The following GFRA2 variants were observed in gnomAD, a reference collection of about 807,000 sequenced individuals.
The protein encoded by GFRA2 is GDNF family receptor alpha-2.
GFRA2 carries 17 observed loss-of-function variants against 48.3 expected under a neutral mutation model. The observed-to-expected ratio is 0.35, with a 90% confidence interval of 0.24 to 0.53. GFRA2 has a LOEUF of 0.53. GFRA2 is among the 20% of genes least tolerant of loss of function. GFRA2 has a pLI of 0.93. For missense variants in GFRA2, 660 were observed against 637.3 expected, an observed-to-expected ratio of 1.04 and a Z score of -0.38; for synonymous variants, 305 against 257.2, an observed-to-expected ratio of 1.19 and a Z score of -1.78.
chr8:21,761,454 A>G (rs572088700), intron 3 of GFRA2, among the ~76,000 whole-genome samples: 1 of 152,298 alleles, frequency 6.6e-6, no homozygotes, highest in South Asian at 2.1e-4. Context: ...AAGACGGAGG[A>G]CCTGGCTGGG....
intron 1 of GFRA2, among the ~76,000 whole-genome samples, chr8:21,787,260 C>T (rs1376947580): frequency 1.6e-5 from 1 of 61,324 alleles, no homozygotes; most frequent in East Asian, 4.5e-4. Context: ...GTCTTGGAGG[C>T]GGCGGGGGGG....
chr8:21,792,841 G>C (rs74870587), upstream of GFRA2, among the ~76,000 whole-genome samples: 4,785 of 152,328 alleles, frequency 0.031, 131 homozygotes, highest in African/African-American at 0.075. Context: ...GAGGCGGGCA[G>C]ATCACCTGAG....
intron 3 of GFRA2, among the ~76,000 whole-genome samples, chr8:21,752,519 A>G (rs572295393): frequency 6.6e-6 from 1 of 152,030 alleles, no homozygotes; most frequent in South Asian, 2.1e-4. Context: ...CCCAGGGCTC[A>G]GTCTCCTTTT....
intron 4 of GFRA2, among the ~76,000 whole-genome samples, chr8:21,743,546 G>A (rs1439113592): frequency 6.6e-6 from 1 of 152,202 alleles, no homozygotes; most frequent in Non-Finnish European, 1.5e-5. Flanking sequence ...GGTTCTAAGT[G>A]CCGCAAGGAC....
At position 21,750,008 on chromosome 8, in the gene GFRA2, C is replaced by A. The variant is rs1805202804; in HGVS notation, c.794+580G>T. On this transcript the variant is annotated intron_variant, in intron 4 of 8. Coordinates refer to ENST00000524240, the MANE Select transcript of GFRA2 (RefSeq NM_001495.5). The surrounding 1 kb of genome is among the most constrained non-coding windows in gnomAD (Gnocchi z 5.7). ...TAGGAAGGTAGTTTTGGGGGGTATG[C>A]ATGGTTATACTGAGCTGAAATTTAG... Among the ~76,000 whole-genome samples, 1 of 151,744 alleles carries A rather than the reference C, an allele frequency of 6.6e-6. No homozygotes were observed. The highest frequency in any genetic ancestry group is 1.5e-5 in the Non-Finnish European group (1 of 67,962).
At chr8:21,701,307 T>C (rs1009732736) in intron 7 of GFRA2, among the ~76,000 whole-genome samples, 12 of 152,114 alleles carry the variant, frequency 7.9e-5, no homozygotes, top group African/African-American at 2.7e-4. Context: ...GGCAGGAGAA[T>C]GGCGTGAACC....
intron 1 of GFRA2, chr8:21,784,353 T>A: frequency 2.2e-6 from 1 of 455,018 alleles, no homozygotes; most frequent in Non-Finnish European, 4.4e-6. Context: ...ACCGAAAGAG[T>A]AATTTGGGAG....
Position 21,788,715 on chromosome 8 carries a change from C to G in GFRA2, c.-556G>C. ...CGCTTCTTTCGCACCAAGACGAAGA[C>G]AAGATTCAAAAAAATCTTCTCCCGC... On this transcript the variant is annotated 5_prime_UTR_variant, in exon 1 of 9. Coordinates refer to ENST00000524240, the MANE Select transcript of GFRA2 (RefSeq NM_001495.5). 1.0e-6 allele frequency: 1 copy of G among 984,536 alleles called. No individual in the cohort carries two copies. Among genetic ancestry groups the G allele is most frequent in the Non-Finnish European group, 1.2e-6 (1 of 829,142 alleles). The allele number at this position is 984,536 out of a possible 1,614,324, so 61.0% of individuals were successfully genotyped here.
Position 21,788,384 on chromosome 8 carries a change from C to G in GFRA2, c.-225G>C, listed in dbSNP as rs1367225063. The G allele has an allele frequency of 7.5e-7, 1 of 1,336,630 alleles. No homozygotes were observed. The highest frequency in any genetic ancestry group is 3.7e-5 in the Admixed American group (1 of 26,824). The allele number at this position is 1,336,630 out of a possible 1,614,324, so 82.8% of individuals were successfully genotyped here. A position where few individuals can be genotyped will look rare whatever the true frequency, so the allele number is the denominator to read the frequency against. On this transcript the variant is annotated 5_prime_UTR_variant, in exon 1 of 9. Transcript: ENST00000524240. ...GATGGGCTGCTGCCTCTCGACGCCC[C>G]CCTTGCCCGCTACAATCAAATATAC...
At chr8:21,783,074 T>A (rs1022545917) in intron 1 of GFRA2, 175 bp from the exon 2 acceptor site, 7 of 717,262 alleles carry the variant, frequency 9.8e-6, no homozygotes, top group East Asian at 2.7e-5. Context: ...TCAGGCATCA[T>A]CCTCCCCTGG....
intron 3 of GFRA2, among the ~76,000 whole-genome samples, chr8:21,754,381 T>C (rs1425824159): frequency 6.6e-6 from 1 of 151,920 alleles, no homozygotes. Flanking sequence ...TGGTACAGAG[T>C]AGGCAACAGT....
intron 3 of GFRA2, among the ~76,000 whole-genome samples, chr8:21,752,242 CT>C (rs1410718483): frequency 1.3e-5 from 2 of 152,174 alleles, no homozygotes; most frequent in African/African-American, 4.8e-5. Flanking sequence ...TTCTGCTCCC[CT>C]TGAAAGCAAA....
At chr8:21,783,125 T>G in intron 1 of GFRA2, 1 of 685,534 alleles carries the variant, frequency 1.5e-6, no homozygotes, top group Admixed American at 2.0e-5. Flanking sequence ...CCATTCCTCC[T>G]CAGCAGCGGC....
intron 4 of GFRA2, among the ~76,000 whole-genome samples, chr8:21,748,219 A>T (rs1805107250): frequency 6.6e-6 from 1 of 151,960 alleles, no homozygotes; most frequent in African/African-American, 2.4e-5. Context: ...AGTGCCCCCT[A>T]TGTGTTGCCA....
chr8:21,745,895 G>A (rs965244692), intron 4 of GFRA2, among the ~76,000 whole-genome samples: 2 of 152,200 alleles, frequency 1.3e-5, no homozygotes, highest in African/African-American at 4.8e-5. Flanking sequence ...ACCCTGATGA[G>A]GCTGGCTGAG....
chr8:21,784,150 G>A (rs941872666), intron 1 of GFRA2, among the ~76,000 whole-genome samples: 2 of 152,036 alleles, frequency 1.3e-5, no homozygotes, highest in Non-Finnish European at 2.9e-5. Flanking sequence ...GAGGGGACAG[G>A]GAAAAAGAGA....
rs1183804669 is a variant in GFRA2, at chr8:21,750,142, A to G, written c.794+446T>C. On this transcript the variant is annotated intron_variant, in intron 4 of 8. Transcript: ENST00000524240. This position sits in a 1 kb window ranked among gnomAD's most constrained non-coding sequence, Gnocchi z 5.7. ...ATATAGGTAGAGACTGAGTTTTGCT[A>G]TGTTGCCCAGGATGGTCTCAAACTC... is the stretch of plus-strand genomic sequence containing the variant. Among the ~76,000 whole-genome samples the G allele has an allele frequency of 6.7e-6, 1 of 148,230 alleles. No homozygotes were observed. Among genetic ancestry groups the G allele is most frequent in the African/African-American group, 2.4e-5 (1 of 40,930 alleles).
intron 3 of GFRA2, among the ~76,000 whole-genome samples, chr8:21,762,186 T>C (rs894935595): frequency 1.3e-5 from 2 of 152,076 alleles, no homozygotes; most frequent in East Asian, 3.9e-4. Flanking sequence ...TCTCGGGGCA[T>C]CTTCCTCCCT....
chr8:21,760,962 C>G (rs1805877770), intron 3 of GFRA2, among the ~76,000 whole-genome samples: 2 of 152,100 alleles, frequency 1.3e-5, no homozygotes, highest in Non-Finnish European at 2.9e-5. Flanking sequence ...GGAGGGGCAA[C>G]TCACAATGAG....
Sources: gnomAD v4.1 joint callset for allele counts (sites outside exome capture counted in the v4.1 genomes callset) on GRCh38, gnomAD v4.1.1 for gene constraint, Gnocchi (gnomAD v3.1) non-coding constraint, MANE v1.5 for transcripts, NCBI Gene and HGNC (gene_info 2026-07-23, HGNC 2026-07-21) for gene names.